LAMA4: variants seen among roughly 807,000 people sequenced by gnomAD.
LAMA4 encodes the protein laminin subunit alpha-4.
Under a neutral mutation model 207.1 loss-of-function variants are expected in LAMA4, and 127 were observed. That is an observed-to-expected ratio of 0.61 (90% CI 0.53 to 0.71). LAMA4 has a LOEUF of 0.71. LAMA4 is among the 30% of genes least tolerant of loss of function. The pLI, the probability that LAMA4 is intolerant of heterozygous loss-of-function variation, is 0.00. For missense variants in LAMA4, 2,093 were observed against 2,246.5 expected, an observed-to-expected ratio of 0.93 and a Z score of 1.38; for synonymous variants, 761 against 816.0, an observed-to-expected ratio of 0.93 and a Z score of 1.15.
intron 16 of LAMA4, among the ~76,000 whole-genome samples, chr6:112,152,516 T>C (rs1191195138): frequency 6.6e-6 from 1 of 152,126 alleles, no homozygotes; most frequent in Non-Finnish European, 1.5e-5. Flanking sequence ...TGCCAGTAAT[T>C]CTTCATTTCT....
chr6:112,149,088 C>T (rs564508066), intron 17 of LAMA4, among the ~76,000 whole-genome samples: 1 of 134,926 alleles, frequency 7.4e-6, no homozygotes, highest in East Asian at 2.1e-4. Context: ...GTTATACCAT[C>T]ACCTAAGTGA....
At chr6:112,194,814 G>C (rs1447093717) in intron 5 of LAMA4, among the ~76,000 whole-genome samples, 1 of 152,086 alleles carries the variant, frequency 6.6e-6, no homozygotes, top group Non-Finnish European at 1.5e-5. Context: ...GTAAGCATTG[G>C]AGCCCTGGTG....
chr6:112,199,539 T>G (rs1198955544), intron 5 of LAMA4, among the ~76,000 whole-genome samples: 1 of 152,130 alleles, frequency 6.6e-6, no homozygotes, highest in East Asian at 1.9e-4. Context: ...GATAAGTGTG[T>G]CACAAATTTC....
chr6:112,240,931 T>C (rs1554187510), intron 2 of LAMA4, among the ~76,000 whole-genome samples: 3 of 151,618 alleles, frequency 2.0e-5, no homozygotes, highest in Non-Finnish European at 2.9e-5. Context: ...CTGGATCATA[T>C]TGTAGCTCAA....
rs782627670 is a variant in LAMA4 at position 112,129,026 on chromosome 6, C to T, written c.4183G>A (p.Val1395Ile). The T allele has an allele frequency of 3.2e-5, 52 of 1,612,824 alleles. No individual in the cohort carries two copies. The highest frequency in any genetic ancestry group is 4.1e-5 in the Non-Finnish European group (48 of 1,179,112). ...VEDFQRYTEK[V>I]HTSLYECPIE... The stretch of plus-strand genomic sequence containing the variant: ...GGACACTCATAAAGAGAAGTGTGGA[C>T]CTTTTCAGTATACCGTTGGAAATCT... The change falls in exon 31 of 39, where the codon GTC (valine) becomes ATC (isoleucine). Residue 1395 changes from valine to isoleucine, a missense_variant. Val to Ile is a conservative substitution (Grantham distance 29). Around this residue, in one of 3 missense-constraint regions of LAMA4, gnomAD observed 1,704 missense variants for 1,788.4 expected, o/e 0.95. Transcript: ENST00000230538.
intron 2 of LAMA4, among the ~76,000 whole-genome samples, chr6:112,222,586 T>C (rs60900930): frequency 0.017 from 2,596 of 152,284 alleles, 85 homozygotes; most frequent in African/African-American, 0.059. Flanking sequence ...CCAAGTCCTT[T>C]AATTTTGTAA....
chr6:112,186,626 T>C (rs1782697922), intron 8 of LAMA4: 1 of 365,936 alleles, frequency 2.7e-6, no homozygotes, highest in African/African-American at 2.1e-5. Flanking sequence ...AGATAATGTA[T>C]GCACATCCTC....
chr6:112,151,999 T>C (rs572530087), intron 16 of LAMA4, among the ~76,000 whole-genome samples: 7 of 152,252 alleles, frequency 4.6e-5, no homozygotes, highest in Non-Finnish European at 5.9e-5. Context: ...TAAAATAAAC[T>C]CAAATTGGTC....
At chr6:112,229,164 A>G (rs1785402569) in intron 2 of LAMA4, among the ~76,000 whole-genome samples, 2 of 152,204 alleles carry the variant, frequency 1.3e-5, no homozygotes, top group African/African-American at 4.8e-5. Flanking sequence ...ATTAAATACG[A>G]CACCAGAAAT....
chr6:112,136,110 C>G lies in LAMA4; in HGVS notation c.3414+13G>C. 6.2e-7 allele frequency: 1 copy of G among 1,610,492 alleles called. No individual in the cohort carries two copies. Among genetic ancestry groups the G allele is most frequent in the Non-Finnish European group, 8.5e-7 (1 of 1,178,852 alleles). Reference sequence around the variant, plus strand: ...AACAAAAACAAAACCAACCAAACTACAATGATTTGTACCTCATGGTATTTT... The same window carrying G: ...AACAAAAACAAAACCAACCAAACTAGAATGATTTGTACCTCATGGTATTTT... On this transcript the variant is annotated intron_variant, in intron 25 of 38. Coordinates refer to ENST00000230538, the MANE Select transcript of LAMA4 (RefSeq NM_001105206.3).
intron 22 of LAMA4, among the ~76,000 whole-genome samples, chr6:112,140,094 G>A (rs1554332721): frequency 6.6e-6 from 1 of 152,182 alleles, no homozygotes; most frequent in African/African-American, 2.4e-5. Context: ...GGGATTTACT[G>A]AGCATAGATT....
At chr6:112,238,465 T>C (rs1333035602) in intron 2 of LAMA4, among the ~76,000 whole-genome samples, 1 of 152,102 alleles carries the variant, frequency 6.6e-6, no homozygotes, top group East Asian at 1.9e-4. Flanking sequence ...ATTCCAGCAC[T>C]TTGGGAGGCC....
At chr6:112,134,705 G>T in intron 25 of LAMA4, 96 bp from the exon 26 acceptor site, 2 of 971,506 alleles carry the variant, frequency 2.1e-6, no homozygotes, top group South Asian at 1.4e-5. Flanking sequence ...TATACTAGCT[G>T]TTCTTCCATG....
At chr6:112,235,092 G>T (rs1554365602) in intron 2 of LAMA4, among the ~76,000 whole-genome samples, 1 of 152,160 alleles carries the variant, frequency 6.6e-6, no homozygotes, top group Non-Finnish European at 1.5e-5. Flanking sequence ...TTTGAAAATG[G>T]ACCATGGAAT....
intron 29 of LAMA4, among the ~76,000 whole-genome samples, 189 bp downstream of exon 29, chr6:112,130,779 T>C (rs193029992): frequency 3.7e-4 from 56 of 152,288 alleles, no homozygotes; most frequent in African/African-American, 1.3e-3. Context: ...AGAAATTTCA[T>C]AGTGATTTAT....
intron 24 of LAMA4, 78 bp from the exon 25 acceptor site, chr6:112,136,332 A>T: frequency 8.8e-7 from 1 of 1,137,906 alleles, no homozygotes; most frequent in Middle Eastern, 2.0e-4. Flanking sequence ...TTGAGAAATA[A>T]GACTGTATTC....
chr6:112,154,651 A>G (rs1159018703), intron 16 of LAMA4, 200 bp downstream of exon 16: 2 of 567,412 alleles, frequency 3.5e-6, no homozygotes, highest in African/African-American at 2.3e-5. Flanking sequence ...AGTTTACTAC[A>G]TAGCATTTTT....
At position 112,117,423 on chromosome 6, in the gene LAMA4, CTTGAGG is replaced by C. The variant is rs1554324305; in HGVS notation, c.4981+310_4981+315del. On this transcript the variant is annotated intron_variant, in intron 35 of 38. Transcript: ENST00000230538. The surrounding 1 kb of genome is among the most constrained non-coding windows in gnomAD (Gnocchi z 4.5). ...ATGCCAAGAAGGAGCAGAGCAAGAC[CTTGAGG>C]AGCAAGGTGGCCAAAAACTGACATG... 6.6e-6 allele frequency among the ~76,000 whole-genome samples: 1 copy of C among 152,132 alleles called. No homozygotes were observed.
chr6:112,115,826 A>G (rs368299483), intron 36 of LAMA4, 37 bp downstream of exon 36: 3 of 1,602,366 alleles, frequency 1.9e-6, no homozygotes, highest in African/African-American at 2.7e-5. Context: ...ATCCAAGGTC[A>G]GATGAGACAA....
Sources: allele counts gnomAD v4.1 joint callset (sites outside exome capture counted in the v4.1 genomes callset), GRCh38; gene constraint gnomAD v4.1.1; regional missense constraint gnomAD v4.1.1; non-coding constraint Gnocchi (gnomAD v3.1); transcripts MANE v1.5; gene names NCBI Gene and HGNC (gene_info 2026-07-23, HGNC 2026-07-21).